The following GRIP1 variants were observed in gnomAD, a reference collection of about 807,000 sequenced individuals.
The protein encoded by GRIP1 is glutamate receptor-interacting protein 1.
Under a neutral mutation model 129.9 loss-of-function variants are expected in GRIP1, and 45 were observed. That is an observed-to-expected ratio of 0.35 (90% CI 0.27 to 0.44). The LOEUF is 0.44. Among genes scored for constraint, GRIP1 ranks in the 20% least tolerant of loss-of-function variants. The pLI, the probability that GRIP1 is intolerant of heterozygous loss-of-function variation, is 1.00. For missense variants in GRIP1, 1,196 were observed against 1,396.8 expected (o/e 0.86, Z 2.29); for synonymous variants, 530 against 520.8 (o/e 1.02, Z -0.24).
intron 1 of GRIP1, among the ~76,000 whole-genome samples, chr12:66,631,476 C>G (rs564596132): frequency 6.6e-6 from 1 of 152,250 alleles, no homozygotes; most frequent in Non-Finnish European, 1.5e-5. Flanking sequence ...AACCTACTAA[C>G]AAAACAATAC....
intron 1 of GRIP1, among the ~76,000 whole-genome samples, chr12:66,908,089 G>T (rs930886950): frequency 6.6e-6 from 1 of 152,136 alleles, no homozygotes; most frequent in Non-Finnish European, 1.5e-5. Flanking sequence ...TTATTTTAAT[G>T]ACTCCATATT....
chr12:66,875,374 G>A (rs2047892), intron 1 of GRIP1, among the ~76,000 whole-genome samples: 121,441 of 151,984 alleles, frequency 0.8, 51,353 homozygotes, highest in Non-Finnish European at 0.93. Flanking sequence ...TAAACAATTG[G>A]ATGTTCTGCA....
chr12:66,935,649 C>T (rs73333038), intron 1 of GRIP1, among the ~76,000 whole-genome samples: 4,570 of 152,196 alleles, frequency 0.03, 215 homozygotes, highest in African/African-American at 0.1. Context: ...TTGGGCAGCC[C>T]TCAGAATCAC....
intron 2 of GRIP1, among the ~76,000 whole-genome samples, chr12:66,554,476 G>C (rs2062250988): frequency 6.6e-6 from 1 of 152,212 alleles, no homozygotes; most frequent in Admixed American, 6.5e-5. Flanking sequence ...TCCCAACTGT[G>C]GTGGCCATGA....
At chr12:66,807,243 C>T (rs539785741), upstream of GRIP1, among the ~76,000 whole-genome samples, 6 of 152,094 alleles carry the variant, frequency 3.9e-5, no homozygotes, top group East Asian at 1.2e-3. Context: ...AACTGTAATC[C>T]CTAGCACTGG....
chr12:66,529,941 T>A, intron 4 of GRIP1, 27 bp from the exon 5 acceptor site: 1 of 1,300,566 alleles, frequency 7.7e-7, no homozygotes, highest in Non-Finnish European at 1.1e-6. Flanking sequence ...GAGAAGGAAA[T>A]ATAACTTGTA....
chr12:66,607,004 A>T (rs1036487070), intron 1 of GRIP1, among the ~76,000 whole-genome samples: 4 of 139,888 alleles, frequency 2.9e-5, no homozygotes, highest in African/African-American at 1.2e-4. Context: ...AGAGAGAGAG[A>T]GAGAGAGAGA....
intron 1 of GRIP1, among the ~76,000 whole-genome samples, chr12:66,743,899 T>C (rs1021902850): frequency 6.6e-6 from 1 of 152,188 alleles, no homozygotes; most frequent in Non-Finnish European, 1.5e-5. Context: ...GCAATTTTCA[T>C]TGACAGTAGC....
chr12:67,042,982 A>G (rs970032258), intron 1 of GRIP1, among the ~76,000 whole-genome samples: 2 of 152,190 alleles, frequency 1.3e-5, no homozygotes, highest in African/African-American at 4.8e-5. Flanking sequence ...CACAATTTGG[A>G]ATGACAAAGG....
intron 4 of GRIP1, among the ~76,000 whole-genome samples, chr12:66,531,979 G>C (rs111349509): frequency 2.6e-5 from 4 of 152,148 alleles, no homozygotes; most frequent in African/African-American, 9.6e-5. Context: ...GTCCTTTTTG[G>C]CTGGGTATCT....
At chr12:66,530,306 C>G (rs2061399329) in intron 4 of GRIP1, among the ~76,000 whole-genome samples, 1 of 152,150 alleles carries the variant, frequency 6.6e-6, no homozygotes, top group Non-Finnish European at 1.5e-5. Context: ...ACAATAACTT[C>G]TGTATTTATT....
At chr12:66,369,340 CTTTTTT>C (rs758593628) in intron 23 of GRIP1, among the ~76,000 whole-genome samples, 3 of 106,788 alleles carry the variant, frequency 2.8e-5, no homozygotes, top group African/African-American at 7.8e-5. Flanking sequence ...TTAACAAGAT[CTTTTTT>C]TTTTTTTTTT....
At chr12:66,995,522 G>A (rs2135662086) in intron 1 of GRIP1, among the ~76,000 whole-genome samples, 1 of 152,004 alleles carries the variant, frequency 6.6e-6, no homozygotes, top group South Asian at 2.1e-4. Flanking sequence ...TAATAAAAAT[G>A]GGTAAATAAT....
rs535225045 is a variant in GRIP1 at position 66,747,001 on chromosome 12, T to C, written c.-420+57052A>G. 1.3e-3 allele frequency among the ~76,000 whole-genome samples: 193 copies of C among 152,158 alleles called. 1 individual carries two copies. Among genetic ancestry groups the C allele is most frequent in the Non-Finnish European group, 2.2e-3 (149 of 68,028 alleles). On this transcript the variant is annotated intron_variant, in intron 1 of 4. Coordinates refer to the GRIP1 transcript ENST00000538373. ...GCCACATTCATCTGAGTTATGGCAA[T>C]AATGGTGATGAGAGGTTGAGCTGAT... is the stretch of plus-strand genomic sequence containing the variant.
At chr12:67,068,994 G>A (rs1031627712) in intron 1 of GRIP1, 6 of 852,902 alleles carry the variant, frequency 7.0e-6, no homozygotes, top group Non-Finnish European at 8.5e-6. Context: ...GGGAGGCACC[G>A]GGCGGCCCCG....
intron 1 of GRIP1, among the ~76,000 whole-genome samples, chr12:66,835,570 A>G (rs1463143540): frequency 6.6e-6 from 1 of 152,224 alleles, no homozygotes; most frequent in East Asian, 1.9e-4. Context: ...ACTATTTAGC[A>G]CCAACAAGAA....
intron 1 of GRIP1, among the ~76,000 whole-genome samples, chr12:67,056,734 T>A (rs1565659377): frequency 1.3e-5 from 2 of 152,212 alleles, no homozygotes; most frequent in African/African-American, 2.4e-5. Flanking sequence ...CACTGAGAGA[T>A]GAAACTTGTA....
intron 1 of GRIP1, among the ~76,000 whole-genome samples, chr12:66,894,068 A>G (rs558109391): frequency 2.6e-4 from 39 of 152,140 alleles, no homozygotes; most frequent in Non-Finnish European, 5.3e-4. Flanking sequence ...TCTGCCTGGA[A>G]TGCTCATCCC....
At chr12:66,556,382 C>T (rs1304193287) in intron 2 of GRIP1, among the ~76,000 whole-genome samples, 1 of 151,954 alleles carries the variant, frequency 6.6e-6, no homozygotes, top group Admixed American at 6.6e-5. Flanking sequence ...CAAACAAAAG[C>T]TGAGGGATTC....
Sources: allele counts gnomAD v4.1 joint callset (sites outside exome capture counted in the v4.1 genomes callset), GRCh38; gene constraint gnomAD v4.1.1; transcripts MANE v1.5; gene names NCBI Gene and HGNC (gene_info 2026-07-23, HGNC 2026-07-21).